CCDC7: variants seen among roughly 807,000 people sequenced by gnomAD.
CCDC7 encodes coiled-coil domain containing 7, also known as coiled-coil domain-containing protein 7.
Under a neutral mutation model 196.9 loss-of-function variants are expected in CCDC7, and 183 were observed. The ratio of observed to expected loss-of-function variants is 0.93; its 90% CI spans 0.82 to 1.05. CCDC7 has a LOEUF of 1.05. Among genes scored for constraint, CCDC7 ranks in the 50% least tolerant of loss-of-function variants. CCDC7 has a pLI of 0.00. For missense variants in CCDC7, 1,540 were observed against 1,482.2 expected, an observed-to-expected ratio of 1.04 and a Z score of -0.64; for synonymous variants, 525 against 484.6, an observed-to-expected ratio of 1.08 and a Z score of -1.10.
At chr10:32,580,901 G>T (rs2137416415) in intron 16 of CCDC7, among the ~76,000 whole-genome samples, 1 of 149,622 alleles carries the variant, frequency 6.7e-6, no homozygotes, top group Admixed American at 6.7e-5. Flanking sequence ...GTATTAGAAA[G>T]AAAAAAAAAT....
intron 32 of CCDC7, among the ~76,000 whole-genome samples, chr10:32,834,040 T>C (rs2092418852): frequency 6.6e-6 from 1 of 152,136 alleles, no homozygotes; most frequent in South Asian, 2.1e-4. Flanking sequence ...TTCATTTTTC[T>C]GTCATTGACC....
chr10:32,729,221 C>G (rs2083552873), intron 27 of CCDC7, 111 bp from the exon 29 acceptor site: 1 of 1,107,874 alleles, frequency 9.0e-7, no homozygotes, highest in Non-Finnish European at 1.3e-6. Flanking sequence ...TCCACACATG[C>G]TCATGAAAAC....
chr10:32,549,447 A>T (rs2053096593), intron 13 of CCDC7, among the ~76,000 whole-genome samples: 1 of 151,884 alleles, frequency 6.6e-6, no homozygotes, highest in South Asian at 2.1e-4. Context: ...TTTCATTTTT[A>T]TTGCATTTGC....
At chr10:32,506,809 G>A (rs1176643435) in intron 9 of CCDC7, among the ~76,000 whole-genome samples, 2 of 152,170 alleles carry the variant, frequency 1.3e-5, no homozygotes, top group African/African-American at 4.8e-5. Context: ...CCGAGATCAT[G>A]GCAGTACAGT....
chr10:32,510,000 A>G (rs1346228596), intron 9 of CCDC7, among the ~76,000 whole-genome samples: 1 of 152,162 alleles, frequency 6.6e-6, no homozygotes, highest in African/African-American at 2.4e-5. Context: ...TTAAAATAGA[A>G]CTACCATATG....
intron 8 of CCDC7, among the ~76,000 whole-genome samples, chr10:32,484,197 G>GAAGAGGTCCTTCACATGCCCTGT (rs1342020472): frequency 3.4e-4 from 51 of 152,090 alleles, no homozygotes; most frequent in Admixed American, 1.4e-3. Flanking sequence ...AGTTATCTTT[G>GAAGAGGTCCTTCACATGCCCTGT]AAGAGGTCCT....
At chr10:32,874,596 C>A (rs942563218) in intron 41 of CCDC7, among the ~76,000 whole-genome samples, 1 of 151,534 alleles carries the variant, frequency 6.6e-6, no homozygotes, top group Non-Finnish European at 1.5e-5. Context: ...ATCCAAGTTG[C>A]TGCAAAAGAC....
At chr10:32,761,647 C>T (rs1335508768) in intron 28 of CCDC7, among the ~76,000 whole-genome samples, 1 of 151,948 alleles carries the variant, frequency 6.6e-6, no homozygotes, top group African/African-American at 2.4e-5. Flanking sequence ...AAAACTAGCT[C>T]AGATTGCTGA....
intron 20 of CCDC7, among the ~76,000 whole-genome samples, chr10:32,645,487 T>C (rs913262880): frequency 3.3e-5 from 5 of 151,318 alleles, no homozygotes; most frequent in Admixed American, 2.7e-4. Context: ...AGTTTTATTT[T>C]CTGTTGAGTC....
At chr10:32,667,674 G>A (rs1340523593) in intron 21 of CCDC7, among the ~76,000 whole-genome samples, 1 of 152,062 alleles carries the variant, frequency 6.6e-6, no homozygotes, top group Non-Finnish European at 1.5e-5. Context: ...AGATCAGATG[G>A]TTGTAGATGT....
chr10:32,745,671 G>A (rs989460621), intron 28 of CCDC7, among the ~76,000 whole-genome samples: 2 of 152,032 alleles, frequency 1.3e-5, no homozygotes, highest in African/African-American at 4.8e-5. Flanking sequence ...ACCTTTGGAG[G>A]GGACAAATAT....
At chr10:32,749,882 A>G (rs953084038) in intron 28 of CCDC7, among the ~76,000 whole-genome samples, 1 of 152,158 alleles carries the variant, frequency 6.6e-6, no homozygotes, top group Admixed American at 6.5e-5. Context: ...TAGGTCAAGA[A>G]ATAGAGTTCT....
chr10:32,590,252 T>C (rs576578940), intron 18 of CCDC7, among the ~76,000 whole-genome samples: 1 of 152,208 alleles, frequency 6.6e-6, no homozygotes, highest in South Asian at 2.1e-4. Context: ...GATTTGAGGT[T>C]ACCATGAGGC....
chr10:32,476,351 C>T (rs2038968447), intron 8 of CCDC7, among the ~76,000 whole-genome samples: 1 of 43,998 alleles, frequency 2.3e-5, no homozygotes, highest in Non-Finnish European at 7.6e-5. Flanking sequence ...GTTAAAGTTC[C>T]TCTGTGTTTC....
intron 18 of CCDC7, among the ~76,000 whole-genome samples, chr10:32,616,733 C>T (rs1032780332): frequency 6.6e-6 from 1 of 151,724 alleles, no homozygotes; most frequent in Non-Finnish European, 1.5e-5. Flanking sequence ...GCATTCTTGT[C>T]TTCTGCCAGT....
intron 28 of CCDC7, among the ~76,000 whole-genome samples, chr10:32,758,442 A>G (rs574489645): frequency 1.2e-4 from 19 of 152,216 alleles, no homozygotes; most frequent in Non-Finnish European, 2.1e-4. Context: ...AGGCTGGTTC[A>G]ATATATAAAA....
intron 18 of CCDC7, among the ~76,000 whole-genome samples, chr10:32,622,876 T>C (rs957278308): frequency 6.6e-6 from 1 of 152,150 alleles, no homozygotes; most frequent in African/African-American, 2.4e-5. Context: ...AAAATAGATA[T>C]TATTAATAAT....
intron 13 of CCDC7, among the ~76,000 whole-genome samples, chr10:32,561,598 C>T (rs1174719701): frequency 6.6e-6 from 1 of 152,114 alleles, no homozygotes; most frequent in Non-Finnish European, 1.5e-5. Context: ...TTCTTTGAAA[C>T]CAATGAGAAC....
chr10:32,830,121 GATAT>G lies in CCDC7; in HGVS notation c.3269-4677_3269-4674del. On this transcript the variant is annotated intron_variant, in intron 32 of 41. Coordinates refer to ENST00000639629, the Ensembl canonical transcript of CCDC7. ...TCCTATTAGTTCTTATATATATAAG[GATAT>G]ATATATATATATATATCCTATTAGT... Among the ~76,000 whole-genome samples the G allele has an allele frequency of 1.2e-4, 6 of 50,666 alleles. 1 individual carries two copies. The highest frequency in any genetic ancestry group is 2.7e-4 in the Non-Finnish European group (5 of 18,516). 33.2% of individuals were successfully genotyped at this position (50,666 alleles called of 152,430 possible).
Sources: gnomAD v4.1 joint callset for allele counts (sites outside exome capture counted in the v4.1 genomes callset) on GRCh38, gnomAD v4.1.1 for gene constraint, MANE v1.5 for transcripts, NCBI Gene and HGNC (gene_info 2026-07-23, HGNC 2026-07-21) for gene names.